The following SNHG17 variants were observed in gnomAD, a reference collection of about 807,000 sequenced individuals.
The protein encoded by SNHG17 is small nucleolar RNA host gene 17.
At chr20:38,425,542 T>C (rs550307203) in intron 5 of SNHG17, among the ~76,000 whole-genome samples, 2 of 152,156 alleles carry the variant, frequency 1.3e-5, no homozygotes. Context: ...TAAGCCAGAT[T>C]GCTGGCTCCA....
At chr20:38,425,585 A>G (rs2084233085) in intron 5 of SNHG17, among the ~76,000 whole-genome samples, 1 of 152,234 alleles carries the variant, frequency 6.6e-6, no homozygotes, top group Non-Finnish European at 1.5e-5. Flanking sequence ...AGGTTGGGAC[A>G]GGGCTAAGAA....
chr20:38,434,909 G>A, intron 1 of SNHG17: 2 of 1,222,116 alleles, frequency 1.6e-6, no homozygotes, highest in Non-Finnish European at 2.0e-6. Flanking sequence ...AAGTCGCCGA[G>A]CCCTGTTTCC....
At chr20:38,432,278 T>C (rs977420142) in intron 2 of SNHG17, 25 of 494,444 alleles carry the variant, frequency 5.1e-5, no homozygotes, top group African/African-American at 5.0e-4. Flanking sequence ...ACAGCTTAAG[T>C]CTCATCTTAT....
intron 2 of SNHG17, chr20:38,434,415 T>G (rs2084395431): frequency 5.0e-6 from 1 of 201,304 alleles, no homozygotes; most frequent in South Asian, 7.9e-5. Flanking sequence ...TTCTCAGAAC[T>G]CAGAACTGGC....
At chr20:38,421,332 T>C (rs957779089) in intron 6 of SNHG17, 1 of 152,204 alleles carries the variant, frequency 6.6e-6, no homozygotes, top group African/African-American at 2.4e-5. Flanking sequence ...TCCACAGGAA[T>C]ACAGCTTTCC....
chr20:38,432,226 G>A (rs1283874685), intron 2 of SNHG17: 11 of 922,368 alleles, frequency 1.2e-5, no homozygotes, highest in Non-Finnish European at 1.4e-5. Context: ...TACGGTCTCA[G>A]CAACACGAAG....
intron 3 of SNHG17, chr20:38,427,230 T>C (rs1037521831): frequency 2.7e-6 from 1 of 376,802 alleles, no homozygotes; most frequent in South Asian, 2.1e-5. Context: ...TTAAGCATGA[T>C]GCCCCCCCGC....
chr20:38,435,224 G>A, exon 1 of SNHG17: 1 of 1,232,042 alleles, frequency 8.1e-7, no homozygotes, highest in Non-Finnish European at 1.0e-6. Context: ...AGTGGCGGCG[G>A]AGACCTGACA....
At chr20:38,428,179 C>CA (rs1051967284) in intron 3 of SNHG17, 1 of 152,248 alleles carries the variant, frequency 6.6e-6, no homozygotes, top group African/African-American at 2.4e-5. Context: ...TCCATTATGA[C>CA]ATGCTGCTAA....
chr20:38,423,394 G>A (rs1237424886), intron 5 of SNHG17, among the ~76,000 whole-genome samples: 3 of 147,088 alleles, frequency 2.0e-5, no homozygotes, highest in African/African-American at 4.9e-5. Flanking sequence ...TTCAGCCTGG[G>A]TGACAGAGGG....
chr20:38,429,553 C>A, intron 3 of SNHG17: 1 of 346,776 alleles, frequency 2.9e-6, no homozygotes, highest in Admixed American at 4.1e-5. Flanking sequence ...ACCCATCACC[C>A]CACACCCTTC....
At chr20:38,434,179 G>A (rs1356827056) in intron 2 of SNHG17, among the ~76,000 whole-genome samples, 2 of 152,146 alleles carry the variant, frequency 1.3e-5, no homozygotes, top group Non-Finnish European at 1.5e-5. Context: ...AAAATGCCTC[G>A]GCTGTACATT....
At chr20:38,425,321 C>A (rs755537467) in intron 5 of SNHG17, 1 of 519,128 alleles carries the variant, frequency 1.9e-6, no homozygotes, top group East Asian at 5.4e-5. Context: ...CGATCACTTT[C>A]GAATACAGGG....
chr20:38,430,484 G>C (rs1474894934), intron 3 of SNHG17, among the ~76,000 whole-genome samples: 1 of 151,998 alleles, frequency 6.6e-6, no homozygotes. Flanking sequence ...AGCTGGACAT[G>C]GTGGCGGGCA....
At chr20:38,425,188 AAT>A (rs755954081) in intron 5 of SNHG17, 1 of 518,900 alleles carries the variant, frequency 1.9e-6, no homozygotes, top group South Asian at 1.4e-5. Flanking sequence ...CACTGGTGAG[AAT>A]AAAGGCATGT....
In SNHG17 at chr20:38,435,297, TGGCGAAGGACGGCGAGGGAC is replaced by T. The variant is rs1568868287; in HGVS notation, n.65_84del. Reference sequence around the variant, plus strand: ...AGAGATGGGGTGCGGTGGCGTGCGATGGCGAAGGACGGCGAGGGACGGCGAAGGACTGAGGCCACACGACA... The same window carrying T: ...AGAGATGGGGTGCGGTGGCGTGCGATGGCGAAGGACTGAGGCCACACGACA... On this transcript the variant is annotated non_coding_transcript_exon_variant, in exon 1 of 9. Transcript: ENST00000654008. 1.9e-5 allele frequency: 23 copies of T among 1,231,614 alleles called. No homozygotes were observed. The South Asian group carries it at 8.2e-4, about 44-fold the overall frequency. 76.3% of individuals were successfully genotyped at this position (1,231,614 alleles called of 1,614,324 possible).
chr20:38,434,898 A>G (rs2084405832), intron 1 of SNHG17: 1 of 1,216,844 alleles, frequency 8.2e-7, no homozygotes. Context: ...GCGGGCAGCT[A>G]AAGTCGCCGA....
intron 3 of SNHG17, among the ~76,000 whole-genome samples, chr20:38,426,995 TACACACACAC>T (rs765781057): frequency 4.8e-4 from 60 of 125,646 alleles, no homozygotes; most frequent in Admixed American, 1.4e-3. Context: ...AAGTTACACA[TACACACACAC>T]ACACACACAC....
intron 3 of SNHG17, chr20:38,429,684 A>G (rs774815549): frequency 5.8e-5 from 29 of 498,954 alleles, no homozygotes; most frequent in Admixed American, 1.1e-4. Context: ...GGAAAGCTCC[A>G]GGGTTTGGAA....
Sources: allele counts gnomAD v4.1 joint callset (sites outside exome capture counted in the v4.1 genomes callset), GRCh38; gene constraint gnomAD v4.1.1; transcripts MANE v1.5; gene names NCBI Gene and HGNC (gene_info 2026-07-23, HGNC 2026-07-21).